Variants in GLO1 observed in about 807,000 individuals in gnomAD.
GLO1 encodes the protein lactoylglutathione lyase.
GLO1 carries 28 observed loss-of-function variants against 26.0 expected under a neutral mutation model. The ratio of observed to expected loss-of-function variants is 1.08; its 90% CI spans 0.80 to 1.48. GLO1 has a LOEUF of 1.48. Ranked by LOEUF, GLO1 falls within the 40% of genes most tolerant of loss-of-function variation. The probability of loss-of-function intolerance (pLI) is 0.00; values close to 1 mark genes in which losing one functional copy is unlikely to be tolerated. For synonymous variants in GLO1, 78 were observed against 77.6 expected (o/e 1.00, Z -0.03); for missense variants, 225 against 224.8 (o/e 1.00, Z -0.01).
intron 1 of GLO1, among the ~76,000 whole-genome samples, chr6:38,701,899 C>T (rs1269181838): frequency 6.6e-6 from 1 of 151,296 alleles, no homozygotes; most frequent in Non-Finnish European, 1.5e-5. Context: ...GATGACTTCA[C>T]TGGAATAAAC....
intron 5 of GLO1, among the ~76,000 whole-genome samples, chr6:38,678,730 G>A (rs1479604053): frequency 2.0e-5 from 3 of 152,168 alleles, no homozygotes; most frequent in Admixed American, 2.0e-4. Flanking sequence ...GATCTCCCCA[G>A]CCCTCTCTCC....
Position 38,684,368 on chromosome 6 carries a change from A to G in GLO1, c.308+6T>C. 7.2e-7 allele frequency: 1 copy of G among 1,383,952 alleles called. No individual in the cohort carries two copies. The highest frequency in any genetic ancestry group is 1.7e-5 in the South Asian group (1 of 57,544). 85.7% of individuals were successfully genotyped at this position (1,383,952 alleles called of 1,614,324 possible). ...AATATATATAAATATAGAAACTCAT[A>G]CTCACTGTGTCAGCTCAAGTGTAGC... is the stretch of plus-strand genomic sequence containing the variant. On this transcript the variant is annotated splice_donor_region_variant and intron_variant, in intron 3 of 5. Coordinates refer to ENST00000373365, the MANE Select transcript of GLO1 (RefSeq NM_006708.3).
In GLO1 at chr6:38,701,125, T is replaced by G. The variant is rs372518114; in HGVS notation, c.84+1846A>C. 2.7e-5 allele frequency among the ~76,000 whole-genome samples: 4 copies of G among 149,328 alleles called. No individual in the cohort carries two copies. In the East Asian group the frequency reaches 7.7e-4, roughly 29 times the overall value. ...CCTTTATGGCAAATTCCAAAATTAC[T>G]GCTGGAGTCAGCACCCCAGAAGCAG... is the stretch of plus-strand genomic sequence containing the variant. On this transcript the variant is annotated intron_variant, in intron 1 of 5. Transcript: ENST00000373365.
chr6:38,678,350 G>GAA (rs1761301809), intron 5 of GLO1, among the ~76,000 whole-genome samples: 1 of 151,548 alleles, frequency 6.6e-6, no homozygotes, highest in Non-Finnish European at 1.5e-5. Flanking sequence ...AAGAGAGAAA[G>GAA]AGAGAAGGAA....
At position 38,682,899 on chromosome 6, in the gene GLO1, C is replaced by T. The variant is rs1338056112; in HGVS notation, c.309-24G>A. ...TGCTACAAAAGGAAGGAAAACATAG[C>T]TACAATGTCCTAGGGAATAGATATT... On this transcript the variant is annotated intron_variant, in intron 3 of 5. Transcript: ENST00000373365. The T allele has an allele frequency of 1.0e-5, 13 of 1,302,238 alleles. No homozygotes were observed. The Middle Eastern group carries it at 5.4e-4, about 54-fold the overall frequency. 80.7% of individuals were successfully genotyped at this position (1,302,238 alleles called of 1,614,324 possible). A position where few individuals can be genotyped will look rare whatever the true frequency, so the allele number is the denominator to read the frequency against.
At chr6:38,695,359 A>G (rs1412418189) in intron 1 of GLO1, among the ~76,000 whole-genome samples, 1 of 152,146 alleles carries the variant, frequency 6.6e-6, no homozygotes, top group Middle Eastern at 3.2e-3. Context: ...ACATGTATAT[A>G]TGTATATACA....
At chr6:38,680,699 G>A (rs988429086) in intron 5 of GLO1, among the ~76,000 whole-genome samples, 1 of 152,144 alleles carries the variant, frequency 6.6e-6, no homozygotes, top group African/African-American at 2.4e-5. Flanking sequence ...AGACAAACCT[G>A]GGCAACATAG....
intron 1 of GLO1, among the ~76,000 whole-genome samples, chr6:38,700,253 G>C (rs1761678192): frequency 6.6e-6 from 1 of 152,226 alleles, no homozygotes; most frequent in South Asian, 2.1e-4. Context: ...TCCTTCATCA[G>C]AATGCCTTCC....
intron 5 of GLO1, among the ~76,000 whole-genome samples, chr6:38,681,110 C>T (rs778107243): frequency 6.6e-5 from 10 of 152,098 alleles, no homozygotes; most frequent in Non-Finnish European, 1.5e-4. Context: ...GTCGCCCAGG[C>T]TGGAGTGCAG....
Position 38,684,445 on chromosome 6 carries a change from AT to A in GLO1, c.236del (p.Asn79MetfsTer11). 6.3e-7 allele frequency: 1 copy of A among 1,576,576 alleles called. No individual in the cohort carries two copies. Among genetic ancestry groups the A allele is most frequent in the Non-Finnish European group, 8.6e-7 (1 of 1,159,218 alleles). On this transcript the variant is annotated frameshift_variant, in exon 3 of 6. Coordinates refer to ENST00000373365, the MANE Select transcript of GLO1 (RefSeq NM_006708.3). LOFTEE classifies it high-confidence loss of function. ...TTTCATCTTTTTCTTTAGGGATGTC[AT>A]TTTTATCCTCATAAGCCAAGAAGTA... ...SLYFLAYEDK[N>X]DIPKEKDEKI...
chr6:38,692,295 G>A (rs1021595555), intron 1 of GLO1, among the ~76,000 whole-genome samples: 9 of 152,080 alleles, frequency 5.9e-5, no homozygotes, highest in Non-Finnish European at 1.3e-4. Context: ...ATTTTATTGG[G>A]CAATTGTAAA....
chr6:38,692,458 A>G (rs1761545357), intron 1 of GLO1, among the ~76,000 whole-genome samples: 1 of 152,130 alleles, frequency 6.6e-6, no homozygotes, highest in Admixed American at 6.5e-5. Context: ...ATTATTCCCT[A>G]TGTAGACAAT....
At chr6:38,689,919 G>A (rs1444299983) in intron 1 of GLO1, among the ~76,000 whole-genome samples, 1 of 152,016 alleles carries the variant, frequency 6.6e-6, no homozygotes, top group Non-Finnish European at 1.5e-5. Context: ...CCGCCTCCCG[G>A]GTTCAAGCGA....
At chr6:38,686,414 T>C (rs1422014193) in intron 2 of GLO1, among the ~76,000 whole-genome samples, 1 of 152,180 alleles carries the variant, frequency 6.6e-6, no homozygotes, top group Non-Finnish European at 1.5e-5. Flanking sequence ...AAAATAAACA[T>C]GCTTTAGAAA....
intron 1 of GLO1, among the ~76,000 whole-genome samples, chr6:38,701,879 T>G (rs949654353): frequency 2.2e-4 from 34 of 152,112 alleles, no homozygotes; most frequent in African/African-American, 8.2e-4. Context: ...CAAAGGTGTT[T>G]ACAGACACTG....
In GLO1 at chr6:38,676,412, C is replaced by A. The variant is rs894941334; in HGVS notation, c.*883G>T. 3 of 152,166 alleles carry A rather than the reference C, an allele frequency of 2.0e-5. No homozygotes were observed. Among genetic ancestry groups the A allele is most frequent in the Non-Finnish European group, 4.4e-5 (3 of 68,028 alleles). 9.4% of individuals were successfully genotyped at this position (152,166 alleles called of 1,614,324 possible). ...TAGTGTTTACTCCCTCACCACGGTA[C>A]TCCAGCCCAAGAGCCAAGAGCACAA... On this transcript the variant is annotated 3_prime_UTR_variant, in exon 6 of 6. Transcript: ENST00000373365.
intron 1 of GLO1, among the ~76,000 whole-genome samples, chr6:38,694,987 A>G (rs927321851): frequency 2.6e-5 from 4 of 152,118 alleles, no homozygotes; most frequent in African/African-American, 9.7e-5. Flanking sequence ...CCTTGTCTCT[A>G]TCATATTGGA....
chr6:38,687,221 C>CACCAAGGGACAGGG, intron 1 of GLO1: 1 of 357,640 alleles, frequency 2.8e-6, no homozygotes, highest in Non-Finnish European at 3.9e-6. Flanking sequence ...ATCCCTGTCC[C>CACCAAGGGACAGGG]TTGGTGGGAC....
At chr6:38,688,932 G>A (rs1761494654) in intron 1 of GLO1, among the ~76,000 whole-genome samples, 2 of 152,212 alleles carry the variant, frequency 1.3e-5, no homozygotes, top group African/African-American at 4.8e-5. Context: ...GAGAGAGCGA[G>A]CGTGCGCGCG....
Sources: allele counts gnomAD v4.1 joint callset (sites outside exome capture counted in the v4.1 genomes callset), GRCh38; gene constraint gnomAD v4.1.1; transcripts MANE v1.5; gene names NCBI Gene and HGNC (gene_info 2026-07-23, HGNC 2026-07-21).